The following NELL1 variants were observed in gnomAD, a reference collection of about 807,000 sequenced individuals.
NELL1 encodes the protein protein kinase C-binding protein NELL1.
In NELL1, 76 loss-of-function variants were observed where a neutral mutation model predicts 107.4. The ratio of observed to expected loss-of-function variants is 0.71; its 90% CI spans 0.59 to 0.86. The LOEUF (loss-of-function observed/expected upper bound fraction) is 0.86. Among genes scored for constraint, NELL1 ranks in the 40% least tolerant of loss-of-function variants. The pLI is 0.00. For missense variants in NELL1, 1,024 were observed against 1,005.5 expected (o/e 1.02, Z -0.25); for synonymous variants, 353 against 341.2 (o/e 1.03, Z -0.38).
chr11:21,446,019 CT>C (rs1405324107), intron 15 of NELL1, among the ~76,000 whole-genome samples: 1 of 151,794 alleles, frequency 6.6e-6, no homozygotes, highest in East Asian at 1.9e-4. Flanking sequence ...ATCTTGTATA[CT>C]TTTTTCTTTT....
rs1292785625 is a variant in NELL1, at chr11:21,087,266, T to A, written c.1301-26323T>A. The stretch of plus-strand genomic sequence containing the variant: ...ATCAAAATTTTCACCAAACTTCAAG[T>A]GAAGAACAAGATAGGAAGAGGAAAT... On this transcript the variant is annotated intron_variant, in intron 12 of 19. Coordinates refer to ENST00000357134, the MANE Select transcript of NELL1 (RefSeq NM_006157.5). Among the ~76,000 whole-genome samples the A allele has an allele frequency of 2.6e-5, 4 of 152,118 alleles. No homozygotes were observed. In the East Asian group the frequency reaches 7.7e-4, roughly 29 times the overall value.
intron 15 of NELL1, among the ~76,000 whole-genome samples, chr11:21,436,532 CT>C (rs1169902266): frequency 6.6e-6 from 1 of 152,100 alleles, no homozygotes; most frequent in Admixed American, 6.5e-5. Context: ...GGTCTTCTCT[CT>C]TTTTTTCTTA....
At chr11:20,997,119 G>A (rs941690068) in intron 12 of NELL1, among the ~76,000 whole-genome samples, 3 of 152,144 alleles carry the variant, frequency 2.0e-5, no homozygotes, top group African/African-American at 7.2e-5. Context: ...ACATCAAAGT[G>A]TATTTCACAA....
At chr11:20,978,311 A>G (rs1564997163) in intron 12 of NELL1, among the ~76,000 whole-genome samples, 1 of 152,232 alleles carries the variant, frequency 6.6e-6, no homozygotes, top group Admixed American at 6.5e-5. Flanking sequence ...CCGCGAAGCT[A>G]GGTATTACTA....
At chr11:21,111,812 A>G (rs1370177560) in intron 12 of NELL1, among the ~76,000 whole-genome samples, 1 of 152,108 alleles carries the variant, frequency 6.6e-6, no homozygotes, top group Non-Finnish European at 1.5e-5. Flanking sequence ...GAAAACTGGT[A>G]ATATTTTATG....
intron 15 of NELL1, among the ~76,000 whole-genome samples, chr11:21,400,788 G>A (rs1852079850): frequency 6.6e-6 from 1 of 151,884 alleles, no homozygotes; most frequent in Admixed American, 6.6e-5. Context: ...ACTGAATTTG[G>A]CTCTTCTCCC....
chr11:20,988,994 T>G (rs1196133322), intron 12 of NELL1, among the ~76,000 whole-genome samples: 2 of 152,176 alleles, frequency 1.3e-5, no homozygotes, highest in African/African-American at 4.8e-5. Flanking sequence ...TGCTAATTCT[T>G]GCAAGGTGCT....
intron 3 of NELL1, among the ~76,000 whole-genome samples, chr11:20,832,021 A>G (rs1272400031): frequency 6.6e-6 from 1 of 152,146 alleles, no homozygotes; most frequent in East Asian, 1.9e-4. Context: ...CATTATTTCC[A>G]CTAGCAGTGA....
chr11:20,713,932 G>T (rs1855173080), intron 2 of NELL1, among the ~76,000 whole-genome samples: 1 of 152,108 alleles, frequency 6.6e-6, no homozygotes, highest in Non-Finnish European at 1.5e-5. Context: ...CTGAGATCTG[G>T]ATATTCAGAT....
In NELL1 at chr11:20,910,985, T is replaced by C. The variant is rs1296075702; in HGVS notation, c.604-7197T>C. Among the ~76,000 whole-genome samples the C allele has an allele frequency of 3.3e-5, 5 of 152,374 alleles. No homozygotes were observed. The East Asian group carries it at 9.6e-4, about 29-fold the overall frequency. ...TAAAAATGCATTTCTTGGCATTTAA[T>C]GCTCCCTGTATGTTTAACTGTATAC... is the stretch of plus-strand genomic sequence containing the variant. On this transcript the variant is annotated intron_variant, in intron 5 of 19. Transcript: ENST00000357134.
intron 3 of NELL1, among the ~76,000 whole-genome samples, chr11:20,797,564 T>TAAA (rs1343056686): frequency 5.3e-5 from 1 of 18,750 alleles, no homozygotes. Context: ...AGACTCCATC[T>TAAA]CAAAAAAAAA....
chr11:21,234,839 G>A (rs1416048943), intron 14 of NELL1, among the ~76,000 whole-genome samples: 1 of 152,120 alleles, frequency 6.6e-6, no homozygotes, highest in Non-Finnish European at 1.5e-5. Context: ...AAACAATCCT[G>A]AATTAAATAA....
intron 14 of NELL1, among the ~76,000 whole-genome samples, chr11:21,299,358 A>G (rs1849443236): frequency 6.6e-6 from 1 of 151,942 alleles, no homozygotes; most frequent in Admixed American, 6.6e-5. Flanking sequence ...TTCCAGGATC[A>G]CAGTACATTT....
chr11:21,469,750 A>T (rs1384296200), intron 15 of NELL1, among the ~76,000 whole-genome samples: 1 of 152,086 alleles, frequency 6.6e-6, no homozygotes, highest in Admixed American at 6.6e-5. Context: ...AATTCAATAG[A>T]AGCGTATTAT....
intron 13 of NELL1, among the ~76,000 whole-genome samples, chr11:21,180,449 G>A (rs773926202): frequency 6.6e-6 from 1 of 151,690 alleles, no homozygotes; most frequent in East Asian, 1.9e-4. Flanking sequence ...TTCTCTTTTG[G>A]CCTGTGACAT....
At chr11:21,098,353 A>G (rs766961303) in intron 12 of NELL1, among the ~76,000 whole-genome samples, 1 of 151,788 alleles carries the variant, frequency 6.6e-6, no homozygotes, top group Non-Finnish European at 1.5e-5. Flanking sequence ...AGGGTCCTTT[A>G]TTTTTACCTC....
chr11:20,917,215 G>T (rs555775146), intron 5 of NELL1, among the ~76,000 whole-genome samples: 2 of 151,910 alleles, frequency 1.3e-5, no homozygotes, highest in African/African-American at 4.8e-5. Flanking sequence ...TCTCATAATC[G>T]CAAACACTGC....
At chr11:21,012,926 C>T (rs899922767) in intron 12 of NELL1, among the ~76,000 whole-genome samples, 9 of 152,064 alleles carry the variant, frequency 5.9e-5, no homozygotes, top group African/African-American at 2.2e-4. Flanking sequence ...ATTAGTAATC[C>T]TGTGCCCTCT....
intron 2 of NELL1, among the ~76,000 whole-genome samples, chr11:20,732,908 G>A (rs951807664): frequency 3.3e-5 from 5 of 152,138 alleles, no homozygotes; most frequent in South Asian, 2.1e-4. Context: ...CCAGGTTCTG[G>A]TGATACAGTG....
Sources: gnomAD v4.1 joint callset for allele counts (sites outside exome capture counted in the v4.1 genomes callset) on GRCh38, gnomAD v4.1.1 for gene constraint, MANE v1.5 for transcripts, NCBI Gene and HGNC (gene_info 2026-07-23, HGNC 2026-07-21) for gene names.